The following CTNNA2 variants were observed in gnomAD, a reference collection of about 807,000 sequenced individuals.
The protein encoded by CTNNA2 is catenin alpha 2.
CTNNA2 carries 42 observed loss-of-function variants against 101.0 expected under a neutral mutation model. The observed-to-expected ratio is 0.42, with a 90% CI of 0.32 to 0.54. The LOEUF (loss-of-function observed/expected upper bound fraction) is 0.54. CTNNA2 is among the 20% of genes least tolerant of loss of function. The pLI is 0.14. For synonymous variants in CTNNA2, 450 were observed against 456.4 expected (o/e 0.99, Z 0.18); for missense variants, 871 against 1,223.1 (o/e 0.71, Z 4.29).
intron 18 of CTNNA2, among the ~76,000 whole-genome samples, chr2:80,623,362 A>AT (rs1161871811): frequency 6.6e-6 from 1 of 151,734 alleles, no homozygotes; most frequent in Admixed American, 6.6e-5. Flanking sequence ...AAGGGGTGTA[A>AT]TTTTTTTTGA....
intron 2 of CTNNA2, among the ~76,000 whole-genome samples, chr2:79,657,666 T>G (rs1681710928): frequency 6.6e-6 from 1 of 151,676 alleles, no homozygotes; most frequent in Non-Finnish European, 1.5e-5. Flanking sequence ...ATTTGAAAAT[T>G]TAAATGCAAA....
At chr2:79,755,520 A>T (rs1672339930) in intron 3 of CTNNA2, among the ~76,000 whole-genome samples, 2 of 152,078 alleles carry the variant, frequency 1.3e-5, no homozygotes, top group Admixed American at 6.6e-5. Flanking sequence ...CCTTATAGAA[A>T]CTTCATTTTA....
At chr2:79,976,702 T>A (rs1690870124) in intron 7 of CTNNA2, among the ~76,000 whole-genome samples, 1 of 152,190 alleles carries the variant, frequency 6.6e-6, no homozygotes, top group Non-Finnish European at 1.5e-5. Context: ...TTTGAGAAAT[T>A]TAATACGTTC....
intron 4 of CTNNA2, among the ~76,000 whole-genome samples, chr2:79,430,515 C>A (rs11126730): frequency 0.32 from 48,350 of 151,938 alleles, 7,816 homozygotes; most frequent in South Asian, 0.44. Context: ...AAATTACACA[C>A]CAACCAACCA....
intron 7 of CTNNA2, among the ~76,000 whole-genome samples, chr2:80,134,190 T>G (rs1045294257): frequency 6.6e-6 from 1 of 152,148 alleles, no homozygotes; most frequent in Non-Finnish European, 1.5e-5. Flanking sequence ...ACAGGACTTG[T>G]TTTAAGATGA....
At chr2:79,357,863 T>G (rs1488680862) in intron 3 of CTNNA2, among the ~76,000 whole-genome samples, 1 of 152,172 alleles carries the variant, frequency 6.6e-6, no homozygotes, top group Non-Finnish European at 1.5e-5. Flanking sequence ...GAAACGTTTT[T>G]TTAAAGCGAA....
intron 7 of CTNNA2, among the ~76,000 whole-genome samples, chr2:79,937,718 G>A (rs1687882777): frequency 6.6e-6 from 1 of 152,190 alleles, no homozygotes; most frequent in African/African-American, 2.4e-5. Flanking sequence ...ATTAGAACAG[G>A]CTGGAGAGGC....
chr2:79,206,170 T>C (rs1186555932), intron 2 of CTNNA2, among the ~76,000 whole-genome samples: 1 of 152,128 alleles, frequency 6.6e-6, no homozygotes, highest in Non-Finnish European at 1.5e-5. Context: ...CACTTAAGAA[T>C]TGGATTCCTC....
At chr2:79,455,643 A>C (rs957618163) in intron 4 of CTNNA2, among the ~76,000 whole-genome samples, 6 of 152,226 alleles carry the variant, frequency 3.9e-5, no homozygotes, top group Non-Finnish European at 7.3e-5. Flanking sequence ...TTTGCATAGA[A>C]CTAGGTTCCT....
At chr2:80,118,941 T>C (rs938751089) in intron 7 of CTNNA2, among the ~76,000 whole-genome samples, 1 of 152,236 alleles carries the variant, frequency 6.6e-6, no homozygotes, top group Admixed American at 6.5e-5. Flanking sequence ...CTGTCTTGTA[T>C]TGTCTACTTC....
chr2:80,139,784 G>A (rs1468197398), intron 7 of CTNNA2, among the ~76,000 whole-genome samples: 1 of 152,118 alleles, frequency 6.6e-6, no homozygotes, highest in African/African-American at 2.4e-5. Flanking sequence ...CTCTGGTCTT[G>A]TCATATCACA....
intron 13 of CTNNA2, among the ~76,000 whole-genome samples, chr2:80,580,443 C>T (rs1178395067): frequency 6.6e-6 from 1 of 152,102 alleles, no homozygotes; most frequent in East Asian, 1.9e-4. Flanking sequence ...ACAACAAAAA[C>T]TAATAATGAG....
At chr2:79,613,817 C>T (rs1158249756) in intron 1 of CTNNA2, among the ~76,000 whole-genome samples, 2 of 152,168 alleles carry the variant, frequency 1.3e-5, no homozygotes, top group Admixed American at 6.5e-5. Flanking sequence ...CCGTATCCAG[C>T]TACATATTCT....
chr2:79,192,241 G>A (rs1572971651), intron 1 of CTNNA2, among the ~76,000 whole-genome samples: 1 of 152,042 alleles, frequency 6.6e-6, no homozygotes, highest in African/African-American at 2.4e-5. Context: ...TGGCCAAAAG[G>A]GGTTTGTTCA....
chr2:79,348,651 A>G (rs1280073881), intron 3 of CTNNA2, among the ~76,000 whole-genome samples: 1 of 152,228 alleles, frequency 6.6e-6, no homozygotes, highest in East Asian at 1.9e-4. Flanking sequence ...GTATGAAGTC[A>G]ATTACCTAGG....
chr2:80,201,665 G>A (rs183878063), intron 7 of CTNNA2, among the ~76,000 whole-genome samples: 18 of 152,152 alleles, frequency 1.2e-4, no homozygotes, highest in African/African-American at 3.4e-4. Context: ...GTGAGCCACC[G>A]TGCCCGGCCA....
chr2:79,319,791 G>C (rs1406439089), intron 3 of CTNNA2: 1 of 152,100 alleles, frequency 6.6e-6, no homozygotes, highest in Non-Finnish European at 1.5e-5. Flanking sequence ...TTTGAGAATT[G>C]TTCACTTTAT....
chr2:79,267,991 T>A (rs1487083989), intron 2 of CTNNA2, among the ~76,000 whole-genome samples: 2 of 152,056 alleles, frequency 1.3e-5, no homozygotes, highest in Non-Finnish European at 2.9e-5. Flanking sequence ...ATCAAAGCAC[T>A]CACTGACCGG....
intron 2 of CTNNA2, among the ~76,000 whole-genome samples, chr2:79,681,134 G>A (rs750333123): frequency 1.6e-4 from 25 of 152,166 alleles, no homozygotes; most frequent in Non-Finnish European, 2.5e-4. Flanking sequence ...CAGCCTGGGT[G>A]ACAGAGTGAG....
Sources: gnomAD v4.1 joint callset for allele counts (sites outside exome capture counted in the v4.1 genomes callset) on GRCh38, gnomAD v4.1.1 for gene constraint, MANE v1.5 for transcripts, NCBI Gene and HGNC (gene_info 2026-07-23, HGNC 2026-07-21) for gene names.